Variants in CUL5 observed in about 807,000 individuals in gnomAD.
The protein encoded by CUL5 is cullin-5.
CUL5 carries 26 observed loss-of-function variants against 108.8 expected under a neutral mutation model. That is an observed-to-expected ratio of 0.24 (90% CI 0.18 to 0.33). The LOEUF is 0.33. CUL5 is among the 10% of genes least tolerant of loss of function. CUL5 has a pLI of 1.00. For synonymous variants in CUL5, 334 were observed against 298.0 expected, an observed-to-expected ratio of 1.12 and a Z score of -1.25; for missense variants, 524 against 909.2, an observed-to-expected ratio of 0.58 and a Z score of 5.45.
rs78374013 is a variant in CUL5, at chr11:108,050,093, C to T, written c.411+27C>T. 2.4e-5 allele frequency: 37 copies of T among 1,529,744 alleles called. No individual in the cohort carries two copies. In the African/African-American group the frequency reaches 4.3e-4, roughly 18 times the overall value. The allele number at this position is 1,529,744 out of a possible 1,614,324, so 94.8% of individuals were successfully genotyped here. On this transcript the variant is annotated intron_variant, in intron 4 of 18. Coordinates refer to ENST00000393094, the MANE Select transcript of CUL5 (RefSeq NM_003478.6). Reference sequence around the variant, plus strand: ...TAAGACTATTTTTCTCCTTGTTTTCCTAATATTCTTCAGAAAGAGGGTAAT... The same window carrying T: ...TAAGACTATTTTTCTCCTTGTTTTCTTAATATTCTTCAGAAAGAGGGTAAT...
chr11:108,097,851 AC>A (rs1864537337), intron 17 of CUL5, 97 bp downstream of exon 17: 4 of 653,870 alleles, frequency 6.1e-6, no homozygotes. Flanking sequence ...TATATTTAAA[AC>A]ATTATATACT....
intron 1 of CUL5, among the ~76,000 whole-genome samples, chr11:108,013,767 T>G (rs773719154): frequency 1.6e-4 from 25 of 152,244 alleles, no homozygotes; most frequent in Admixed American, 4.6e-4. Context: ...TGTAAAGCAG[T>G]GATTCAGAGT....
chr11:108,011,323 G>A (rs1862052231), intron 1 of CUL5, among the ~76,000 whole-genome samples: 2 of 152,196 alleles, frequency 1.3e-5, no homozygotes, highest in South Asian at 2.1e-4. Context: ...GTACTTACCT[G>A]TGGAAGCTAC....
chr11:108,046,675 G>C (rs1158568526), intron 3 of CUL5, among the ~76,000 whole-genome samples: 1 of 152,106 alleles, frequency 6.6e-6, no homozygotes, highest in South Asian at 2.1e-4. Context: ...AGTCCACACA[G>C]ATCTTTTTTT....
intron 11 of CUL5, among the ~76,000 whole-genome samples, chr11:108,086,628 A>G (rs1864228168): frequency 6.6e-6 from 1 of 152,210 alleles, no homozygotes; most frequent in Admixed American, 6.6e-5. Context: ...GATACTTTCA[A>G]GGGAAATCCA....
At chr11:108,068,726 GA>G (rs1374202632) in intron 7 of CUL5, among the ~76,000 whole-genome samples, 1 of 152,066 alleles carries the variant, frequency 6.6e-6, no homozygotes, top group Non-Finnish European at 1.5e-5. Context: ...CCCCAAAAGA[GA>G]AGTAAATAAT....
chr11:108,060,569 C>T (rs1210005674), intron 7 of CUL5, among the ~76,000 whole-genome samples: 1 of 152,074 alleles, frequency 6.6e-6, no homozygotes, highest in Non-Finnish European at 1.5e-5. Context: ...GATGCCGTGG[C>T]CCACGCCTCT....
intron 1 of CUL5, among the ~76,000 whole-genome samples, chr11:108,023,574 C>T (rs867756499): frequency 6.6e-6 from 1 of 152,220 alleles, no homozygotes; most frequent in Middle Eastern, 3.4e-3. Flanking sequence ...TCCTGGGACC[C>T]TTCGGGAGTC....
intron 7 of CUL5, among the ~76,000 whole-genome samples, chr11:108,061,894 GGA>G (rs145120147): frequency 3.7e-4 from 55 of 149,576 alleles, no homozygotes; most frequent in Non-Finnish European, 4.2e-4. Context: ...TGTGGCAGCA[GGA>G]GAGAGAGAGA....
At chr11:108,063,653 ATT>A (rs68126927) in intron 7 of CUL5, among the ~76,000 whole-genome samples, 1 of 40,602 alleles carries the variant, frequency 2.5e-5, no homozygotes, top group South Asian at 1.3e-3. Context: ...AATTAATAAA[ATT>A]TAAAAAAAAT....
intron 11 of CUL5, among the ~76,000 whole-genome samples, chr11:108,085,586 T>A (rs545547401): frequency 6.6e-6 from 1 of 152,366 alleles, no homozygotes; most frequent in African/African-American, 2.4e-5. Context: ...AAATCTTTTT[T>A]ACTCTTAGTA....
At chr11:108,067,772 C>T (rs1863722236) in intron 7 of CUL5, among the ~76,000 whole-genome samples, 2 of 152,148 alleles carry the variant, frequency 1.3e-5, no homozygotes, top group South Asian at 2.1e-4. Context: ...TACCTATGCT[C>T]AATCTGGTTT....
intron 1 of CUL5, among the ~76,000 whole-genome samples, chr11:108,032,098 A>G (rs540418193): frequency 7.2e-5 from 11 of 152,320 alleles, no homozygotes; most frequent in African/African-American, 1.7e-4. Context: ...TAATCTGTAC[A>G]ACAAATCCCC....
intron 3 of CUL5, among the ~76,000 whole-genome samples, chr11:108,047,455 A>G (rs1244088796): frequency 6.6e-6 from 1 of 152,234 alleles, no homozygotes; most frequent in Admixed American, 6.5e-5. Context: ...GTTATTAAAT[A>G]CTAAAAGGTG....
intron 18 of CUL5, among the ~76,000 whole-genome samples, chr11:108,102,454 G>A (rs752269566): frequency 3.3e-5 from 5 of 152,104 alleles, no homozygotes; most frequent in Admixed American, 6.6e-5. Flanking sequence ...AGCCCCCTGC[G>A]TAGCTGGGAC....
At chr11:108,086,129 A>G (rs1336724078) in intron 11 of CUL5, among the ~76,000 whole-genome samples, 5 of 152,232 alleles carry the variant, frequency 3.3e-5, no homozygotes, top group Non-Finnish European at 5.9e-5. Context: ...TTGAAATGGT[A>G]TTGACTAAAA....
intron 16 of CUL5, among the ~76,000 whole-genome samples, 162 bp from the exon 17 acceptor site, chr11:108,097,474 C>G (rs1864530589): frequency 6.6e-6 from 1 of 152,204 alleles, no homozygotes; most frequent in East Asian, 1.9e-4. Context: ...CACCTCTTCT[C>G]TTTCCTCATT....
intron 18 of CUL5, among the ~76,000 whole-genome samples, chr11:108,099,518 C>G (rs1381812248): frequency 6.6e-6 from 1 of 152,012 alleles, no homozygotes; most frequent in Non-Finnish European, 1.5e-5. Flanking sequence ...AAGAGTGGCC[C>G]TTTACTGGGA....
At chr11:108,069,896 G>GT (rs1565256936) in intron 7 of CUL5, among the ~76,000 whole-genome samples, 200 bp from the exon 8 acceptor site, 1 of 152,040 alleles carries the variant, frequency 6.6e-6, no homozygotes, top group Admixed American at 6.6e-5. Flanking sequence ...TAGTTCTATA[G>GT]TTTTTTTCCT....
Sources: gnomAD v4.1 joint callset for allele counts (sites outside exome capture counted in the v4.1 genomes callset) on GRCh38, gnomAD v4.1.1 for gene constraint, MANE v1.5 for transcripts, NCBI Gene and HGNC (gene_info 2026-07-23, HGNC 2026-07-21) for gene names.